MMRN1: variants seen among roughly 807,000 people sequenced by gnomAD.
MMRN1 encodes the protein multimerin 1.
MMRN1 carries 94 observed loss-of-function variants against 100.7 expected under a neutral mutation model. That is an observed-to-expected ratio of 0.93 (90% CI 0.79 to 1.11). The LOEUF is 1.11. Among genes scored for constraint, MMRN1 ranks in the 50% least tolerant of loss-of-function variants. The probability of loss-of-function intolerance (pLI) is 0.00; values close to 1 mark genes in which losing one functional copy is unlikely to be tolerated. For missense variants in MMRN1, 1,606 were observed against 1,439.1 expected (o/e 1.12, Z -1.88); for synonymous variants, 575 against 505.0 (o/e 1.14, Z -1.86).
intron 3 of MMRN1, among the ~76,000 whole-genome samples, chr4:89,919,145 A>T (rs982107804): frequency 1.3e-5 from 2 of 151,580 alleles, no homozygotes; most frequent in Non-Finnish European, 3.0e-5. Flanking sequence ...TTTCTTTTCT[A>T]AAATGCTCTA....
At chr4:89,915,215 G>C (rs545239758) in intron 3 of MMRN1, among the ~76,000 whole-genome samples, 3 of 151,692 alleles carry the variant, frequency 2.0e-5, no homozygotes, top group African/African-American at 7.2e-5. Context: ...TGCATATCTA[G>C]TTCTTCCCAG....
In MMRN1 at chr4:89,951,744, A is replaced by T; in HGVS notation, c.3258A>T (p.Leu1086Phe). ...CTIKLVEENALAPDFSKGSYR... is the reference protein window; with the variant it reads ...CTIKLVEENAFAPDFSKGSYR... ...TCAAGCTTGTGGAAGAAAATGCTTT[A>T]GCTCCAGGTAAAAAAAAAGTATACG... Residue 1086 changes from leucine (L) to phenylalanine (F), a missense_variant, in exon 7 of 8, where the codon TTA becomes TTT. Transcript: ENST00000264790. 8 of 1,612,410 alleles carry T rather than the reference A, an allele frequency of 5.0e-6. No homozygotes were observed. The highest frequency in any genetic ancestry group is 6.8e-6 in the Non-Finnish European group (8 of 1,179,318).
At chr4:89,946,137 A>C (rs1279942085) in intron 6 of MMRN1, among the ~76,000 whole-genome samples, 1 of 152,222 alleles carries the variant, frequency 6.6e-6, no homozygotes, top group Non-Finnish European at 1.5e-5. Flanking sequence ...AATAGCACTG[A>C]AACTTAAGAA....
At chr4:89,924,609 C>G (rs1282576722) in intron 4 of MMRN1, among the ~76,000 whole-genome samples, 1 of 151,656 alleles carries the variant, frequency 6.6e-6, no homozygotes, top group Non-Finnish European at 1.5e-5. Flanking sequence ...ATTTGGGAGG[C>G]CGAGGCGGGT....
chr4:89,906,207 GTTTA>G (rs768097908), intron 1 of MMRN1, among the ~76,000 whole-genome samples: 6 of 151,390 alleles, frequency 4.0e-5, no homozygotes, highest in Non-Finnish European at 8.9e-5. Context: ...ATAGTAAACT[GTTTA>G]TTTATGATGC....
At chr4:89,888,300 T>G (rs969047516) in intron 1 of MMRN1, among the ~76,000 whole-genome samples, 3 of 151,986 alleles carry the variant, frequency 2.0e-5, no homozygotes, top group Non-Finnish European at 4.4e-5. Flanking sequence ...TGAAGGATAT[T>G]TTTACAAGAT....
chr4:89,938,476 CATATATATATATATATATATAT>C (rs372673572), intron 6 of MMRN1, among the ~76,000 whole-genome samples: 18 of 123,574 alleles, frequency 1.5e-4, no homozygotes, highest in African/African-American at 3.6e-4. Context: ...ATTTTTTAAA[CATATATATATATATATATATAT>C]ATATATATAT....
chr4:89,952,854 C>A, intron 7 of MMRN1, 143 bp from the exon 8 acceptor site: 2 of 714,216 alleles, frequency 2.8e-6, no homozygotes, highest in Non-Finnish European at 4.5e-6. Flanking sequence ...CATTGAGACA[C>A]GTGCACCTTT....
chr4:89,925,428 G>C (rs890606732), intron 4 of MMRN1, among the ~76,000 whole-genome samples: 1 of 145,676 alleles, frequency 6.9e-6, no homozygotes, highest in Non-Finnish European at 1.5e-5. Context: ...GACTACAGCC[G>C]TGAGCCACTG....
At chr4:89,912,732 A>G (rs1403987325) in intron 3 of MMRN1, among the ~76,000 whole-genome samples, 4 of 151,318 alleles carry the variant, frequency 2.6e-5, no homozygotes, top group African/African-American at 9.7e-5. Flanking sequence ...AAGAAAGGCC[A>G]TTAGCAGTGG....
Position 89,911,980 on chromosome 4 carries a change from A to G in MMRN1, c.780A>G (p.Gln260=), listed in dbSNP as rs139849307. Residue 260 remains glutamine, a synonymous_variant, in exon 3 of 8, where the codon CAA becomes CAG. Coordinates refer to ENST00000264790, the MANE Select transcript of MMRN1 (RefSeq NM_007351.3). ...QKISNPVYRM[Q]HKIVTSLDWR... ...TATCCAATCCTGTCTATAGGATGCA[A>G]CATAAAATTGTCACCTCATTGGATT... 1.5e-4 allele frequency: 248 copies of G among 1,604,432 alleles called. No individual in the cohort carries two copies. The East Asian group carries it at 4.7e-3, about 30-fold the overall frequency.
chr4:89,909,244 G>A, intron 1 of MMRN1, 32 bp from the exon 2 acceptor site: 2 of 1,556,600 alleles, frequency 1.3e-6, no homozygotes, highest in Non-Finnish European at 1.7e-6. Flanking sequence ...TTTGACAACA[G>A]TTTTTTCCCT....
rs1722619569 is a variant in MMRN1 at position 89,936,009 on chromosome 4, C to A, written c.2329C>A (p.Pro777Thr). 6.2e-7 allele frequency: 1 copy of A among 1,613,046 alleles called. No homozygotes were observed. Among genetic ancestry groups the A allele is most frequent in the Non-Finnish European group, 8.5e-7 (1 of 1,179,548 alleles). ...SDMETILTFIPQFHRLNDSIQ... is the reference protein window; with the variant it reads ...SDMETILTFITQFHRLNDSIQ... The stretch of plus-strand genomic sequence containing the variant: ...TATGGAAACTATTTTGACATTTATT[C>A]CTCAGTTCCACCGTCTGAATGATTC... Residue 777 changes from proline (P) to threonine (T), a missense_variant, in exon 6 of 8, where the codon CCT becomes ACT. Pro to Thr is a conservative substitution (Grantham distance 38). Coordinates refer to ENST00000264790, the MANE Select transcript of MMRN1 (RefSeq NM_007351.3).
intron 6 of MMRN1, among the ~76,000 whole-genome samples, chr4:89,948,932 G>A (rs1261771643): frequency 3.3e-5 from 5 of 152,164 alleles, no homozygotes; most frequent in Non-Finnish European, 7.4e-5. Flanking sequence ...AACAGTAGTA[G>A]TAGATGCAGA....
intron 1 of MMRN1, among the ~76,000 whole-genome samples, chr4:89,908,310 A>G (rs1321629132): frequency 6.6e-6 from 1 of 151,466 alleles, no homozygotes; most frequent in Non-Finnish European, 1.5e-5. Flanking sequence ...TTTTTGCCAT[A>G]AAAGGTAAAT....
At chr4:89,910,025 C>T (rs1721698330) in intron 2 of MMRN1, among the ~76,000 whole-genome samples, 1 of 151,390 alleles carries the variant, frequency 6.6e-6, no homozygotes, top group African/African-American at 2.4e-5. Context: ...TCCAAAGAGC[C>T]TGCAATAAAA....
rs772981543 is a variant in MMRN1, at chr4:89,935,498, A to G, written c.1818A>G (p.Gln606=). 9 of 1,613,452 alleles carry G rather than the reference A, an allele frequency of 5.6e-6. No homozygotes were observed. Among genetic ancestry groups the G allele is most frequent in the Non-Finnish European group, 5.9e-6 (7 of 1,179,724 alleles). ...AATGCAGAAATGATTTTAAATTTCAACTTAAGGACACAGAAGAGAATTTAC... is the reference window on the plus strand; with the variant it reads ...AATGCAGAAATGATTTTAAATTTCAGCTTAAGGACACAGAAGAGAATTTAC... The part of the protein sequence containing the change: ...LSKCRNDFKF[Q]LKDTEENLHV... The change falls in exon 6 of 8, where the codon CAA becomes CAG. Residue 606 remains glutamine, a synonymous_variant. Transcript: ENST00000264790.
At chr4:89,898,767 A>T (rs1447630502) in intron 1 of MMRN1, among the ~76,000 whole-genome samples, 1 of 151,840 alleles carries the variant, frequency 6.6e-6, no homozygotes, top group Non-Finnish European at 1.5e-5. Context: ...CCTAATAATA[A>T]CTCCAGGAAG....
At chr4:89,931,894 C>T (rs763220693) in intron 5 of MMRN1, among the ~76,000 whole-genome samples, 10 of 152,044 alleles carry the variant, frequency 6.6e-5, no homozygotes, top group East Asian at 1.9e-4. Flanking sequence ...TATTTCACCC[C>T]GGCCCCTTCC....
Sources: gnomAD v4.1 joint callset for allele counts (sites outside exome capture counted in the v4.1 genomes callset) on GRCh38, gnomAD v4.1.1 for gene constraint, MANE v1.5 for transcripts, NCBI Gene and HGNC (gene_info 2026-07-23, HGNC 2026-07-21) for gene names.